LRRC8C: variants seen among roughly 807,000 people sequenced by gnomAD.
LRRC8C encodes the protein volume-regulated anion channel subunit LRRC8C.
In LRRC8C, 20 loss-of-function variants were observed where a neutral mutation model predicts 55.3. The ratio of observed to expected loss-of-function variants is 0.36; its 90% CI spans 0.25 to 0.53. LRRC8C has a LOEUF of 0.53. Ranked by LOEUF, LRRC8C falls within the 20% of genes least tolerant of loss-of-function variation. The pLI is 0.92. For synonymous variants in LRRC8C, 376 were observed against 360.7 expected (o/e 1.04, Z -0.48); for missense variants, 659 against 951.4 (o/e 0.69, Z 4.04).
intron 2 of LRRC8C, among the ~76,000 whole-genome samples, chr1:89,706,693 A>T (rs1557668207): frequency 1.3e-5 from 2 of 152,120 alleles, no homozygotes; most frequent in Non-Finnish European, 2.9e-5. Context: ...CTCTTCCTAG[A>T]TTCGAACAGC....
chr1:89,682,303 A>G (rs911753651), intron 1 of LRRC8C, among the ~76,000 whole-genome samples: 3 of 152,228 alleles, frequency 2.0e-5, no homozygotes, highest in Non-Finnish European at 4.4e-5. Context: ...AAGAAGCAGT[A>G]GATAATACTT....
At chr1:89,648,434 T>G (rs1656670829) in intron 1 of LRRC8C, among the ~76,000 whole-genome samples, 1 of 152,182 alleles carries the variant, frequency 6.6e-6, no homozygotes, top group African/African-American at 2.4e-5. Flanking sequence ...AGTCTTAAAT[T>G]TTTAGTATAA....
At chr1:89,710,275 G>GAC (rs1423183742) in intron 2 of LRRC8C, among the ~76,000 whole-genome samples, 1 of 152,126 alleles carries the variant, frequency 6.6e-6, no homozygotes, top group African/African-American at 2.4e-5. Flanking sequence ...AGATAGTCTA[G>GAC]TATTTGTCTA....
chr1:89,713,146 C>T lies in LRRC8C; in HGVS notation c.576C>T (p.Asn192=). The T allele has an allele frequency of 6.2e-7, 1 of 1,614,070 alleles. No homozygotes were observed. The highest frequency in any genetic ancestry group is 1.1e-5 in the South Asian group (1 of 91,082). Residue 192 remains asparagine (N), a synonymous_variant, in exon 3 of 3, where the codon AAC becomes AAT. Transcript: ENST00000370454. This position sits in a 1 kb window ranked among gnomAD's most constrained non-coding sequence, Gnocchi z 5.2. ...DSEEKDNRKN[N]MNRSNTIQSG... ...AAGAAAAGGACAACAGGAAGAACAACATGAACAGGTCCAACACCATCCAAT... is the reference window on the plus strand; with the variant it reads ...AAGAAAAGGACAACAGGAAGAACAATATGAACAGGTCCAACACCATCCAAT...
rs185099643 is a variant in LRRC8C at position 89,655,787 on chromosome 1, C to T, written c.-5+22465C>T. ...AAGATCTCCTTACTACCCTTGCTAA[C>T]ATGTATCCCTTACTTGTCTGTTGAA... is the stretch of plus-strand genomic sequence containing the variant. On this transcript the variant is annotated intron_variant, in intron 1 of 2. Coordinates refer to ENST00000370454, the MANE Select transcript of LRRC8C (RefSeq NM_032270.5). Among the ~76,000 whole-genome samples, 10 of 152,320 alleles carry T rather than the reference C, an allele frequency of 6.6e-5. No individual in the cohort carries two copies. In the East Asian group the frequency reaches 1.9e-3, roughly 29 times the overall value.
At chr1:89,691,321 A>C (rs1658021642) in intron 2 of LRRC8C, among the ~76,000 whole-genome samples, 1 of 152,194 alleles carries the variant, frequency 6.6e-6, no homozygotes. Context: ...ACAAAACCAA[A>C]ATATATATTT....
chr1:89,654,657 TTCAC>T (rs1442319521), intron 1 of LRRC8C, among the ~76,000 whole-genome samples: 4 of 152,208 alleles, frequency 2.6e-5, no homozygotes, highest in African/African-American at 9.6e-5. Context: ...GACAACCACT[TTCAC>T]TAAGAATTTG....
upstream of LRRC8C, chr1:89,631,485 C>T (rs1297714313): frequency 6.6e-6 from 1 of 152,068 alleles, no homozygotes; most frequent in Non-Finnish European, 1.5e-5. Flanking sequence ...AGGGTTGTGA[C>T]CTTGGTACTT....
chr1:89,627,851 C>T, the LRRC8C span, among the ~76,000 whole-genome samples: 2 of 152,324 alleles, frequency 1.3e-5, no homozygotes, highest in East Asian at 3.9e-4. Context: ...AGCTAGCACA[C>T]ATTGAGCATC....
intron 2 of LRRC8C, among the ~76,000 whole-genome samples, chr1:89,709,686 T>C (rs990195560): frequency 6.6e-6 from 1 of 152,102 alleles, no homozygotes; most frequent in African/African-American, 2.4e-5. Context: ...CTATTTAATC[T>C]TGCTTTTACC....
At chr1:89,679,879 C>T (rs767534818) in intron 1 of LRRC8C, among the ~76,000 whole-genome samples, 5 of 152,148 alleles carry the variant, frequency 3.3e-5, no homozygotes, top group Admixed American at 1.3e-4. Context: ...TGTTAGCAAT[C>T]GTGTTGGAAT....
chr1:89,669,289 G>A (rs1280191250), intron 1 of LRRC8C, among the ~76,000 whole-genome samples: 8 of 152,028 alleles, frequency 5.3e-5, no homozygotes, highest in African/African-American at 1.9e-4. Context: ...GAGGGGAAAT[G>A]GCGAGCTGTT....
chr1:89,687,004 G>T (rs938500378), intron 2 of LRRC8C, among the ~76,000 whole-genome samples: 2 of 152,034 alleles, frequency 1.3e-5, no homozygotes, highest in Non-Finnish European at 2.9e-5. Flanking sequence ...AAGATTTTCT[G>T]GAAGAACTAA....
intron 2 of LRRC8C, among the ~76,000 whole-genome samples, chr1:89,699,660 G>A (rs899962241): frequency 6.6e-6 from 1 of 152,180 alleles, no homozygotes; most frequent in Non-Finnish European, 1.5e-5. Flanking sequence ...AGACAAGGAC[G>A]GTGTTCGTCC....
At chr1:89,695,933 T>TA (rs1359228737) in intron 2 of LRRC8C, among the ~76,000 whole-genome samples, 1 of 152,140 alleles carries the variant, frequency 6.6e-6, no homozygotes, top group Non-Finnish European at 1.5e-5. Context: ...GGTGATAAAA[T>TA]AGAAATGTAT....
intron 1 of LRRC8C, among the ~76,000 whole-genome samples, chr1:89,655,947 C>T (rs535763487): frequency 1.4e-4 from 22 of 152,316 alleles, no homozygotes; most frequent in African/African-American, 5.3e-4. Flanking sequence ...AAGTCCCACA[C>T]CATACCTGCC....
chr1:89,617,193 A>G, the LRRC8C span, among the ~76,000 whole-genome samples: 1 of 152,152 alleles, frequency 6.6e-6, no homozygotes, highest in Non-Finnish European at 1.5e-5. Flanking sequence ...ATACCCACTT[A>G]CTTATATCTT....
chr1:89,653,571 A>G (rs942947165), intron 1 of LRRC8C, among the ~76,000 whole-genome samples: 3 of 152,230 alleles, frequency 2.0e-5, no homozygotes, highest in East Asian at 1.9e-4. Flanking sequence ...ACTGTAAGAG[A>G]CAAGGATGGA....
At chr1:89,669,374 C>A (rs1000924134) in intron 1 of LRRC8C, among the ~76,000 whole-genome samples, 1 of 152,036 alleles carries the variant, frequency 6.6e-6, no homozygotes, top group Non-Finnish European at 1.5e-5. Context: ...CAACATTGTA[C>A]CTATAGTTAC....
Sources: allele counts gnomAD v4.1 joint callset (sites outside exome capture counted in the v4.1 genomes callset), GRCh38; gene constraint gnomAD v4.1.1; non-coding constraint Gnocchi (gnomAD v3.1); transcripts MANE v1.5; gene names NCBI Gene and HGNC (gene_info 2026-07-23, HGNC 2026-07-21).